Variants in VAPB observed in about 807,000 individuals in gnomAD.
VAPB encodes the protein VAMP associated protein B and C.
In VAPB, 7 loss-of-function variants were observed where a neutral mutation model predicts 25.6. The ratio of observed to expected loss-of-function variants is 0.27; its 90% CI spans 0.16 to 0.51. The LOEUF (loss-of-function observed/expected upper bound fraction) is 0.51. Ranked by LOEUF, VAPB falls within the 20% of genes least tolerant of loss-of-function variation. The pLI is 0.97. For synonymous variants in VAPB, 112 were observed against 109.2 expected (o/e 1.03, Z -0.16); for missense variants, 266 against 301.3 (o/e 0.88, Z 0.87).
chr20:58,390,966 C>T (rs1471447174), intron 1 of VAPB, among the ~76,000 whole-genome samples: 4 of 152,168 alleles, frequency 2.6e-5, no homozygotes, highest in African/African-American at 9.7e-5. Flanking sequence ...AATGAAAAAA[C>T]CGAAAAACCC....
At chr20:58,407,178 T>C (rs565462476) in intron 1 of VAPB, among the ~76,000 whole-genome samples, 20 of 152,334 alleles carry the variant, frequency 1.3e-4, no homozygotes, top group African/African-American at 4.8e-4. Flanking sequence ...AAAAAAAATC[T>C]AGTGTATTAA....
chr20:58,389,723 G>A (rs1987741164), intron 1 of VAPB, among the ~76,000 whole-genome samples: 1 of 152,176 alleles, frequency 6.6e-6, no homozygotes, highest in Non-Finnish European at 1.5e-5. Flanking sequence ...GCTGGTGCGG[G>A]AGCCGGGGCC....
chr20:58,391,158 TCTC>T (rs1411445442), intron 1 of VAPB, among the ~76,000 whole-genome samples: 1 of 152,208 alleles, frequency 6.6e-6, no homozygotes, highest in Non-Finnish European at 1.5e-5. Context: ...TGGCTTGGCT[TCTC>T]CTGATAATTG....
chr20:58,397,345 C>G (rs1012512206), intron 1 of VAPB, among the ~76,000 whole-genome samples: 1 of 151,698 alleles, frequency 6.6e-6, no homozygotes, highest in Admixed American at 6.6e-5. Flanking sequence ...CATGGAGAAA[C>G]CCCATCTCTA....
At position 58,445,109 on chromosome 20, in the gene VAPB, G is replaced by A. The variant is rs1258821052; in HGVS notation, c.*874G>A. ...GTCATGTGGAGGTGGGGTTTATTGG[G>A]ATGCTGGAGAAGAGCTGCCAGGAAG... On this transcript the variant is annotated 3_prime_UTR_variant, in exon 6 of 6. Transcript: ENST00000475243. 2 of 454,410 alleles carry A rather than the reference G, an allele frequency of 4.4e-6. No individual in the cohort carries two copies. The highest frequency in any genetic ancestry group is 8.8e-6 in the Non-Finnish European group (2 of 226,790). The allele number at this position is 454,410 out of a possible 1,614,324, so 28.1% of individuals were successfully genotyped here.
intron 2 of VAPB, among the ~76,000 whole-genome samples, chr20:58,420,985 G>A (rs773113847): frequency 1.3e-5 from 2 of 152,204 alleles, no homozygotes; most frequent in Non-Finnish European, 2.9e-5. Context: ...CTCAGGAGGA[G>A]GAGGATACCA....
In VAPB at chr20:58,420,209, T is replaced by G. The variant is rs939956565; in HGVS notation, c.211+1846T>G. 2.2e-4 allele frequency among the ~76,000 whole-genome samples: 34 copies of G among 152,298 alleles called. 2 individuals are homozygous for G. The highest frequency in any genetic ancestry group is 3.4e-3 in the Middle Eastern group (1 of 294). On this transcript the variant is annotated intron_variant, in intron 2 of 5. Coordinates refer to ENST00000475243, the MANE Select transcript of VAPB (RefSeq NM_004738.5). ...CATGTTGGCTAGGCTGGTCTCAAAC[T>G]CCTGACCTCAAGTGATCCGCCTGCC...
Position 58,389,249 on chromosome 20 carries a change from G to GCA in VAPB, c.-209_-208dup. 1 of 662,110 alleles carries GCA rather than the reference G, an allele frequency of 1.5e-6. No individual in the cohort carries two copies. Among genetic ancestry groups the GCA allele is most frequent in the Non-Finnish European group, 2.7e-6 (1 of 363,930 alleles). The allele number at this position is 662,110 out of a possible 1,614,324, so 41.0% of individuals were successfully genotyped here. ...TGCGTGCGTGCCGTCAGCTCGCCGG[G>GCA]CACCGCGGCCTCGCCCTCGCCCTCC... On this transcript the variant is annotated 5_prime_UTR_variant, in exon 1 of 6. Coordinates refer to ENST00000475243, the MANE Select transcript of VAPB (RefSeq NM_004738.5).
At chr20:58,401,544 T>C (rs147304756) in intron 1 of VAPB, among the ~76,000 whole-genome samples, 70 of 152,302 alleles carry the variant, frequency 4.6e-4, no homozygotes, top group African/African-American at 1.7e-3. Flanking sequence ...TCTTGACCTC[T>C]CTCATTGCTC....
chr20:58,437,820 G>A (rs888522441), intron 3 of VAPB, among the ~76,000 whole-genome samples: 1 of 152,110 alleles, frequency 6.6e-6, no homozygotes, highest in Non-Finnish European at 1.5e-5. Context: ...TAATTTTTGT[G>A]GCAGTCCCCT....
At chr20:58,390,365 A>G (rs1299272847) in intron 1 of VAPB, 1 of 147,046 alleles carries the variant, frequency 6.8e-6, no homozygotes, top group Non-Finnish European at 1.5e-5. Context: ...TATGTTTTCT[A>G]TGTTGTTACT....
At chr20:58,418,522 G>A (rs535142820) in intron 2 of VAPB, among the ~76,000 whole-genome samples, 159 bp downstream of exon 2, 42 of 6,886 alleles carry the variant, frequency 6.1e-3, no homozygotes, top group Non-Finnish European at 7.8e-3. Flanking sequence ...CCTCCACCCC[G>A]TGATCAGAAA....
intron 1 of VAPB, among the ~76,000 whole-genome samples, chr20:58,395,876 G>A (rs1422582367): frequency 6.6e-6 from 1 of 152,172 alleles, no homozygotes; most frequent in Non-Finnish European, 1.5e-5. Context: ...TGGAAACAAA[G>A]TTACTAAACT....
At chr20:58,437,225 C>A (rs759180717) in intron 3 of VAPB, among the ~76,000 whole-genome samples, 2 of 151,662 alleles carry the variant, frequency 1.3e-5, no homozygotes, top group African/African-American at 4.8e-5. Flanking sequence ...CTCTGCCTCT[C>A]GAAGTGCTGG....
rs1001207803 is a variant in VAPB at position 58,389,573 on chromosome 20, G to A, written c.58+56G>A. ...CGCGGCCTCCGCCCCAGTGCTGGAA[G>A]GACGGAGCCCGGCGCGGCGGGTGAC... On this transcript the variant is annotated intron_variant, in intron 1 of 5. Coordinates refer to ENST00000475243, the MANE Select transcript of VAPB (RefSeq NM_004738.5). 3.3e-6 allele frequency: 5 copies of A among 1,507,668 alleles called. No individual in the cohort carries two copies. In the African/African-American group the frequency reaches 5.8e-5, roughly 17 times the overall value. 93.4% of individuals were successfully genotyped at this position (1,507,668 alleles called of 1,614,324 possible).
chr20:58,393,872 A>C (rs539182077), intron 1 of VAPB, among the ~76,000 whole-genome samples: 1 of 152,116 alleles, frequency 6.6e-6, no homozygotes, highest in Non-Finnish European at 1.5e-5. Context: ...AGCTGGGATT[A>C]CAGGCATGCG....
intron 1 of VAPB, among the ~76,000 whole-genome samples, chr20:58,413,881 C>T (rs1266748970): frequency 2.3e-5 from 3 of 129,532 alleles, no homozygotes; most frequent in African/African-American, 8.9e-5. Context: ...GGGCTCCTCA[C>T]TTCCCAGTAG....
At chr20:58,425,515 G>A (rs1184120062) in intron 2 of VAPB, among the ~76,000 whole-genome samples, 1 of 152,232 alleles carries the variant, frequency 6.6e-6, no homozygotes, top group Non-Finnish European at 1.5e-5. Context: ...TTAAGTTCTG[G>A]TCTCAGTCTC....
intron 3 of VAPB, among the ~76,000 whole-genome samples, chr20:58,436,104 C>T (rs1989038204): frequency 6.6e-6 from 1 of 152,050 alleles, no homozygotes; most frequent in African/African-American, 2.4e-5. Context: ...CAGTGTCTGA[C>T]ACTTGCTTAT....
Sources: gnomAD v4.1 joint callset for allele counts (sites outside exome capture counted in the v4.1 genomes callset) on GRCh38, gnomAD v4.1.1 for gene constraint, MANE v1.5 for transcripts, NCBI Gene and HGNC (gene_info 2026-07-23, HGNC 2026-07-21) for gene names.